The following MINDY4B variants were observed in gnomAD, a reference collection of about 807,000 sequenced individuals.
The protein encoded by MINDY4B is MINDY family member 4B, also known as inactive ubiquitin carboxyl-terminal hydrolase MINDY-4B.
A neutral mutation model predicts 16.7 loss-of-function variants in MINDY4B; 25 were observed. The ratio of observed to expected loss-of-function variants is 1.49; its 90% confidence interval spans 1.09 to 2.09. The LOEUF (loss-of-function observed/expected upper bound fraction) is 2.09. Among genes scored for constraint, MINDY4B ranks in the 30% most tolerant of loss-of-function variants. The pLI is 0.00. For synonymous variants in MINDY4B, 132 were observed against 61.9 expected, an observed-to-expected ratio of 2.13 and a Z score of -5.32; for missense variants, 327 against 168.4, an observed-to-expected ratio of 1.94 and a Z score of -5.21.
intron 10 of MINDY4B, among the ~76,000 whole-genome samples, chr3:150,881,697 G>A (rs924070994): frequency 6.6e-6 from 1 of 150,854 alleles, no homozygotes; most frequent in Admixed American, 6.6e-5. Context: ...TTGACCCCTG[G>A]GTAATGAAAT....
At chr3:150,893,011 T>C (rs1218069635) in intron 5 of MINDY4B, among the ~76,000 whole-genome samples, 1 of 151,956 alleles carries the variant, frequency 6.6e-6, no homozygotes, top group African/African-American at 2.4e-5. Context: ...TCCCTAATTA[T>C]TAGGTTAGAG....
chr3:150,899,050 T>TA (rs1356235313), intron 3 of MINDY4B, among the ~76,000 whole-genome samples: 1 of 152,204 alleles, frequency 6.6e-6, no homozygotes, highest in African/African-American at 2.4e-5. Context: ...CTAGACCAAC[T>TA]AACAGAGTAG....
chr3:150,901,727 GC>G (rs1712122006), intron 3 of MINDY4B, among the ~76,000 whole-genome samples: 1 of 151,864 alleles, frequency 6.6e-6, no homozygotes, highest in African/African-American at 2.4e-5. Flanking sequence ...TGCCATGTTG[GC>G]CAGGCTGGTC....
intron 7 of MINDY4B, among the ~76,000 whole-genome samples, chr3:150,887,942 A>C (rs958561594): frequency 1.3e-5 from 2 of 151,984 alleles, no homozygotes; most frequent in Non-Finnish European, 2.9e-5. Flanking sequence ...CCCCGTCTCT[A>C]CTAAAAATAC....
At chr3:150,881,614 TAAAAAAAA>T (rs34567737) in intron 10 of MINDY4B, among the ~76,000 whole-genome samples, 4 of 121,432 alleles carry the variant, frequency 3.3e-5, no homozygotes, top group Non-Finnish European at 5.0e-5. Flanking sequence ...TGTCTCTGTT[TAAAAAAAA>T]AAAAAAAAAA....
intron 10 of MINDY4B, among the ~76,000 whole-genome samples, chr3:150,881,400 G>T (rs1394301740): frequency 1.3e-5 from 2 of 151,804 alleles, no homozygotes; most frequent in Non-Finnish European, 2.9e-5. Context: ...AATAAATAGA[G>T]GGTTATATAC....
Position 150,890,955 on chromosome 3 carries a change from CCA to C in MINDY4B, c.668_669del (p.Val223GlyfsTer5). 1 of 702,786 alleles carries C rather than the reference CCA, an allele frequency of 1.4e-6. No individual in the cohort carries two copies. Among genetic ancestry groups the C allele is most frequent in the South Asian group, 1.5e-5 (1 of 67,582 alleles). The allele number at this position is 702,786 out of a possible 1,614,324, so 43.5% of individuals were successfully genotyped here. ...IYVASTPDYSVDNFTERLQLF... is the reference protein window; with the variant it reads ...IYVASTPDYSXDNFTERLQLF... ...GCACTTACTCGCTCAGTGAAATTGT[CCA>C]CAGAGTAGTCCGGAGTCGACGCAAC... is the stretch of plus-strand genomic sequence containing the variant. On this transcript the variant is annotated frameshift_variant, in exon 6 of 12. Transcript: ENST00000465419. LOFTEE classifies it high-confidence loss of function.
At chr3:150,880,718 TAACA>T (rs1282961681) in intron 10 of MINDY4B, among the ~76,000 whole-genome samples, 4 of 152,202 alleles carry the variant, frequency 2.6e-5, no homozygotes, top group African/African-American at 7.2e-5. Context: ...GCTTTTGTAA[TAACA>T]GACAAAATAC....
chr3:150,887,753 A>G (rs1398723988), intron 7 of MINDY4B, among the ~76,000 whole-genome samples: 1 of 152,252 alleles, frequency 6.6e-6, no homozygotes, highest in Non-Finnish European at 1.5e-5. Context: ...TCGAAAGGTT[A>G]AAACAATAGG....
intron 8 of MINDY4B, among the ~76,000 whole-genome samples, chr3:150,884,783 T>C (rs191095955): frequency 5.3e-5 from 8 of 152,340 alleles, no homozygotes; most frequent in East Asian, 3.9e-4. Flanking sequence ...ATTTCTTTCC[T>C]GAAGCCTTCC....
chr3:150,891,887 C>T (rs1351370345), intron 5 of MINDY4B, among the ~76,000 whole-genome samples: 8 of 151,820 alleles, frequency 5.3e-5, no homozygotes, highest in Admixed American at 6.6e-5. Context: ...GACTGGGGGG[C>T]TCAGGAAGGC....
At chr3:150,900,248 G>C (rs961757636) in intron 3 of MINDY4B, among the ~76,000 whole-genome samples, 2 of 152,216 alleles carry the variant, frequency 1.3e-5, no homozygotes, top group African/African-American at 4.8e-5. Flanking sequence ...TGAGAAACAG[G>C]AGAGCTAAGG....
chr3:150,871,551 GA>G lies in MINDY4B; in HGVS notation c.1241-365del, dbSNP rs757301275. Among the ~76,000 whole-genome samples, 222 of 141,446 alleles carry G rather than the reference GA, an allele frequency of 1.6e-3. 1 individual carries two copies. The highest frequency in any genetic ancestry group is 3.6e-3 in the Middle Eastern group (1 of 274). The allele number at this position is 141,446 out of a possible 152,430, so 92.8% of individuals were successfully genotyped here. A position where few individuals can be genotyped will look rare whatever the true frequency, so the allele number is the denominator to read the frequency against. Reference sequence around the variant, plus strand: ...GGTATAGGTTACTAAATATTGTCAGGAAAAAAAAAAAAAGAGGCCAGGCATG... The same window carrying G: ...GGTATAGGTTACTAAATATTGTCAGGAAAAAAAAAAAAGAGGCCAGGCATG... On this transcript the variant is annotated intron_variant, in intron 11 of 11. Coordinates refer to ENST00000465419, the MANE Select transcript of MINDY4B (RefSeq NM_001351281.2).
At chr3:150,878,807 G>T (rs1324264204) in intron 10 of MINDY4B, among the ~76,000 whole-genome samples, 1 of 152,122 alleles carries the variant, frequency 6.6e-6, no homozygotes, top group African/African-American at 2.4e-5. Flanking sequence ...CTGACTTTAA[G>T]GTCCCAGTAA....
intron 8 of MINDY4B, among the ~76,000 whole-genome samples, chr3:150,884,640 T>A (rs1559965829): frequency 1.3e-5 from 2 of 152,046 alleles, no homozygotes; most frequent in Admixed American, 6.5e-5. Context: ...ACATACAGCA[T>A]AAAATGTGAT....
At chr3:150,893,101 C>T (rs1463804907) in intron 5 of MINDY4B, among the ~76,000 whole-genome samples, 1 of 152,154 alleles carries the variant, frequency 6.6e-6, no homozygotes, top group Non-Finnish European at 1.5e-5. Context: ...TGCAGTAGAG[C>T]ATAAAACCTG....
intron 5 of MINDY4B, among the ~76,000 whole-genome samples, chr3:150,892,905 A>AT (rs1340825793): frequency 6.6e-6 from 1 of 150,696 alleles, no homozygotes; most frequent in African/African-American, 2.4e-5. Context: ...ATGCCATTGC[A>AT]CTCCAGCCTT....
At chr3:150,873,929 T>A (rs1160883805) in intron 10 of MINDY4B, among the ~76,000 whole-genome samples, 1 of 151,870 alleles carries the variant, frequency 6.6e-6, no homozygotes, top group Non-Finnish European at 1.5e-5. Flanking sequence ...GTTAACATGA[T>A]CATTTGTGAA....
chr3:150,883,391 T>G (rs1443113694), intron 9 of MINDY4B, among the ~76,000 whole-genome samples: 1 of 152,134 alleles, frequency 6.6e-6, no homozygotes, highest in East Asian at 1.9e-4. Context: ...TTTCAGTTAT[T>G]AGGGATTCCT....
Sources: gnomAD v4.1 joint callset for allele counts (sites outside exome capture counted in the v4.1 genomes callset) on GRCh38, gnomAD v4.1.1 for gene constraint, MANE v1.5 for transcripts, NCBI Gene and HGNC (gene_info 2026-07-23, HGNC 2026-07-21) for gene names.